The following NRG1 variants were observed in gnomAD, a reference collection of about 807,000 sequenced individuals.
NRG1 encodes pro-neuregulin-1, membrane-bound isoform.
A neutral mutation model predicts 63.8 loss-of-function variants in NRG1; 18 were observed. The ratio of observed to expected loss-of-function variants is 0.28; its 90% CI spans 0.19 to 0.42. The LOEUF is 0.42. Among genes scored for constraint, NRG1 ranks in the 10% least tolerant of loss-of-function variants. The pLI, the probability that NRG1 is intolerant of heterozygous loss-of-function variation, is 1.00. For synonymous variants in NRG1, 302 were observed against 301.3 expected (o/e 1.00, Z -0.02); for missense variants, 762 against 814.7 (o/e 0.94, Z 0.79).
At chr8:31,813,516 C>CTTTTCTTTTCTTTTTTTTTT in intron 1 of NRG1, among the ~76,000 whole-genome samples, 9 of 101,220 alleles carry the variant, frequency 8.9e-5, no homozygotes, top group East Asian at 3.6e-4. Context: ...CTTTTCTTTT[C>CTTTTCTTTTCTTTTTTTTTT]TTTTTTTTTT....
At chr8:32,488,513 C>G (rs928956828) in intron 1 of NRG1, among the ~76,000 whole-genome samples, 1 of 152,162 alleles carries the variant, frequency 6.6e-6, no homozygotes, top group African/African-American at 2.4e-5. Flanking sequence ...CAGTGGCTCA[C>G]ATCTGTAATC....
At position 32,519,486 on chromosome 8, in the gene NRG1, GAAA is replaced by G. The variant is rs1380585369; in HGVS notation, c.38-76340_38-76338del. 4.6e-5 allele frequency among the ~76,000 whole-genome samples: 3 copies of G among 65,518 alleles called. No individual in the cohort carries two copies. In the South Asian group the frequency reaches 1.2e-3, roughly 27 times the overall value. 43.0% of individuals were successfully genotyped at this position (65,518 alleles called of 152,430 possible). A position where few individuals can be genotyped will look rare whatever the true frequency, so the allele number is the denominator to read the frequency against. On this transcript the variant is annotated intron_variant, in intron 1 of 10. Transcript: ENST00000519301. ...GGAAATGGCTTCAGATAACATCTAT[GAAA>G]ATAATAATAATAATAATAATGAGAT...
chr8:32,688,438 G>A (rs1002500949), intron 5 of NRG1, among the ~76,000 whole-genome samples: 7 of 152,136 alleles, frequency 4.6e-5, no homozygotes, highest in Non-Finnish European at 2.9e-5. Flanking sequence ...GGTTATCTTC[G>A]AATGTGCCTA....
At chr8:32,213,809 G>A (rs1844932904) in intron 1 of NRG1, among the ~76,000 whole-genome samples, 1 of 152,118 alleles carries the variant, frequency 6.6e-6, no homozygotes, top group African/African-American at 2.4e-5. Flanking sequence ...CAAGAGAGAA[G>A]CAGGAGTTTA....
At chr8:32,614,988 C>T (rs964314785) in intron 4 of NRG1, among the ~76,000 whole-genome samples, 3 of 151,680 alleles carry the variant, frequency 2.0e-5, no homozygotes, top group Admixed American at 6.6e-5. Flanking sequence ...AGTTGTGGAT[C>T]GCTAAACTTA....
chr8:32,742,216 G>A lies in NRG1; in HGVS notation c.633-459G>A. The A allele has an allele frequency of 1.4e-6, 1 of 696,962 alleles. No homozygotes were observed. Among genetic ancestry groups the A allele is most frequent in the East Asian group, 2.7e-5 (1 of 36,860 alleles). The allele number at this position is 696,962 out of a possible 1,614,324, so 43.2% of individuals were successfully genotyped here. The stretch of plus-strand genomic sequence containing the variant: ...ACCTCTCAAGGCATAAACCCATTCA[G>A]TGTTACCTTATTTAACTGTCTCTCA... On this transcript the variant is annotated intron_variant, in intron 6 of 11. Transcript: ENST00000356819. The surrounding 1 kb of genome is among the most constrained non-coding windows in gnomAD (Gnocchi z 4.2).
At chr8:32,149,895 G>T (rs902984854) in intron 1 of NRG1, among the ~76,000 whole-genome samples, 1 of 152,068 alleles carries the variant, frequency 6.6e-6, no homozygotes, top group Non-Finnish European at 1.5e-5. Flanking sequence ...AATTCAAGAG[G>T]AATACTAAAT....
chr8:32,218,998 T>G (rs1455301913), intron 1 of NRG1, among the ~76,000 whole-genome samples: 1 of 152,220 alleles, frequency 6.6e-6, no homozygotes, highest in Admixed American at 6.5e-5. Context: ...TGCCAGGTGT[T>G]ATTAGAACAT....
intron 1 of NRG1, among the ~76,000 whole-genome samples, chr8:32,034,566 C>A (rs1389479584): frequency 1.3e-5 from 2 of 152,106 alleles, no homozygotes; most frequent in East Asian, 3.9e-4. Context: ...CAGCTGTAGA[C>A]CAGTCTATTC....
intron 1 of NRG1, among the ~76,000 whole-genome samples, chr8:32,037,033 A>G (rs184934536): frequency 6.6e-6 from 1 of 152,126 alleles, no homozygotes; most frequent in Non-Finnish European, 1.5e-5. Flanking sequence ...TTGAGTTTTC[A>G]ATGTTTTTGC....
intron 1 of NRG1, chr8:31,639,478 C>T (rs1459661200): frequency 1.2e-5 from 18 of 1,530,676 alleles, no homozygotes; most frequent in Non-Finnish European, 1.5e-5. Context: ...CCGCGGCCAC[C>T]CAGCGATTTC....
intron 1 of NRG1, among the ~76,000 whole-genome samples, chr8:32,101,936 A>C (rs924261190): frequency 5.3e-5 from 8 of 152,172 alleles, no homozygotes; most frequent in Non-Finnish European, 1.0e-4. Flanking sequence ...TTCAGTTGAA[A>C]TATGCTTTTC....
intron 1 of NRG1, among the ~76,000 whole-genome samples, chr8:32,109,233 A>G (rs1159555412): frequency 6.6e-6 from 1 of 152,190 alleles, no homozygotes; most frequent in Non-Finnish European, 1.5e-5. Context: ...TCCCACTTTC[A>G]TGCACACATA....
At chr8:32,016,777 GA>G (rs949538812) in intron 1 of NRG1, among the ~76,000 whole-genome samples, 2 of 151,938 alleles carry the variant, frequency 1.3e-5, no homozygotes, top group East Asian at 3.9e-4. Flanking sequence ...TAGAAAACAT[GA>G]AAAAAAATTT....
Position 32,632,279 on chromosome 8 carries a change from G to A in NRG1, c.502+15394G>A, listed in dbSNP as rs146096286. Among the ~76,000 whole-genome samples the A allele has an allele frequency of 3.4e-3, 520 of 152,196 alleles. 2 individuals carry two copies. Among genetic ancestry groups the A allele is most frequent in the African/African-American group, 0.012 (478 of 41,510 alleles). ...TAATTGGACATGTCACTGGCCAGGC[G>A]TGGTGGCTCACACCTGTAATCCCAG... On this transcript the variant is annotated intron_variant, in intron 5 of 11. Coordinates refer to ENST00000356819, the Ensembl canonical transcript of NRG1.
intron 1 of NRG1, among the ~76,000 whole-genome samples, chr8:32,450,932 A>G (rs1820876953): frequency 6.6e-6 from 1 of 152,118 alleles, no homozygotes; most frequent in Admixed American, 6.6e-5. Context: ...TCCCAGAACC[A>G]TTTGAAGGAA....
At chr8:32,145,226 AAAAACAATCAAGAAGGAAAAAATT>A (rs1434904811) in intron 1 of NRG1, among the ~76,000 whole-genome samples, 3 of 152,200 alleles carry the variant, frequency 2.0e-5, no homozygotes, top group Non-Finnish European at 4.4e-5. Flanking sequence ...GAAAAAGCAT[AAAAACAATCAAGAAGGAAAAAATT>A]GCTTGGTTGT....
chr8:32,358,134 G>A (rs900923931), intron 1 of NRG1, among the ~76,000 whole-genome samples: 4 of 152,064 alleles, frequency 2.6e-5, no homozygotes, highest in African/African-American at 9.7e-5. Context: ...TGCATTCCTA[G>A]AATTCTGATG....
At chr8:32,366,151 T>C (rs1054786046) in intron 1 of NRG1, among the ~76,000 whole-genome samples, 1 of 152,094 alleles carries the variant, frequency 6.6e-6, no homozygotes, top group Non-Finnish European at 1.5e-5. Context: ...TTTTTTAAAA[T>C]TTTTTTTAGA....
Sources: allele counts gnomAD v4.1 joint callset (sites outside exome capture counted in the v4.1 genomes callset), GRCh38; gene constraint gnomAD v4.1.1; non-coding constraint Gnocchi (gnomAD v3.1); transcripts MANE v1.5; gene names NCBI Gene and HGNC (gene_info 2026-07-23, HGNC 2026-07-21).